The following TPI1 variants were observed in gnomAD, a reference collection of about 807,000 sequenced individuals.
TPI1 encodes the protein triosephosphate isomerase.
Under a neutral mutation model 31.0 loss-of-function variants are expected in TPI1, and 11 were observed. The ratio of observed to expected loss-of-function variants is 0.36; its 90% confidence interval spans 0.22 to 0.59. The LOEUF is 0.59. TPI1 is among the 20% of genes least tolerant of loss of function. The pLI, the probability that TPI1 is intolerant of heterozygous loss-of-function variation, is 0.79. For missense variants in TPI1, 245 were observed against 319.7 expected (o/e 0.77, Z 1.78); for synonymous variants, 121 against 122.8 (o/e 0.99, Z 0.10).
intron 5 of TPI1, 88 bp downstream of exon 5, chr12:6,869,861 C>A: frequency 1.3e-6 from 2 of 1,502,922 alleles, no homozygotes; most frequent in Non-Finnish European, 1.8e-6. Flanking sequence ...CCCCTTATTT[C>A]AAAGACACAG....
intron 1 of TPI1, 136 bp downstream of exon 1, chr12:6,867,817 C>T: frequency 1.0e-6 from 1 of 976,024 alleles, no homozygotes; most frequent in Non-Finnish European, 1.4e-6. Flanking sequence ...GGGACGAGGG[C>T]CGCTGGGGTC....
chr12:6,870,677 A>G lies in TPI1; in HGVS notation c.*294A>G, dbSNP rs1336001051. The G allele has an allele frequency of 1.6e-6, 1 of 606,476 alleles. No individual in the cohort carries two copies. The highest frequency in any genetic ancestry group is 3.1e-6 in the Non-Finnish European group (1 of 317,822). 37.6% of individuals were successfully genotyped at this position (606,476 alleles called of 1,614,324 possible). A position where few individuals can be genotyped will look rare whatever the true frequency, so the allele number is the denominator to read the frequency against. On this transcript the variant is annotated 3_prime_UTR_variant, in exon 7 of 7. Coordinates refer to ENST00000396705, the MANE Select transcript of TPI1 (RefSeq NM_000365.6). ...TTTGCTCCTGGGTTCCCTAGGCCCT[A>G]GTGAGGGCAGAAGAGAAACCATCCT...
In TPI1 at chr12:6,868,888, C is replaced by T. The variant is rs782703710; in HGVS notation, c.140C>T (p.Ala47Val). ...GAGGTGGTTTGTGCTCCCCCTACTG[C>T]CTATATCGACTTCGCCCGGCAGAAG... Reference protein sequence around the residue: ...DTEVVCAPPTAYIDFARQKLD... With the variant: ...DTEVVCAPPTVYIDFARQKLD... Residue 47 changes from alanine (A) to valine (V), a missense_variant, in exon 2 of 7, where the codon GCC (alanine) becomes GTC (valine). Ala to Val is a moderately conservative substitution (Grantham distance 64, BLOSUM62 0). Coordinates refer to ENST00000396705, the MANE Select transcript of TPI1 (RefSeq NM_000365.6). 1 of 1,613,782 alleles carries T rather than the reference C, an allele frequency of 6.2e-7. No homozygotes were observed. Among genetic ancestry groups the T allele is most frequent in the South Asian group, 1.1e-5 (1 of 91,064 alleles).
At chr12:6,869,851 C>T in intron 5 of TPI1, 78 bp downstream of exon 5, 1 of 1,519,668 alleles carries the variant, frequency 6.6e-7, no homozygotes, top group Non-Finnish European at 9.1e-7. Flanking sequence ...CATGGGGCAA[C>T]CCCTTATTTC....
At position 6,870,163 on chromosome 12, in the gene TPI1, G is replaced by A. The variant is rs782698449; in HGVS notation, c.631+27G>A. On this transcript the variant is annotated intron_variant, in intron 6 of 6. Transcript: ENST00000396705. ...TGAGTGGCTTTGGTTCCCGGCTGAG[G>A]TGGAGTGGGCTGAGGACTAGACTGA... 7 of 1,610,452 alleles carry A rather than the reference G, an allele frequency of 4.3e-6. No homozygotes were observed. The African/African-American group carries it at 6.7e-5, about 15-fold the overall frequency.
chr12:6,868,826 T>C (rs902543137), intron 1 of TPI1, 38 bp from the exon 2 acceptor site: 1 of 1,599,864 alleles, frequency 6.3e-7, no homozygotes, highest in Non-Finnish European at 8.5e-7. Context: ...GAAGGCTTTC[T>C]TTAGTCTCAT....
At chr12:6,870,237 C>G in intron 6 of TPI1, 28 bp from the exon 7 acceptor site, 1 of 1,610,078 alleles carries the variant, frequency 6.2e-7, no homozygotes, top group East Asian at 2.2e-5. Flanking sequence ...CCATTCTTGA[C>G]CAAGCCCTTG....
At chr12:6,869,458 C>CT (rs1555132280) in intron 4 of TPI1, 68 bp downstream of exon 4, 2 of 1,608,434 alleles carry the variant, frequency 1.2e-6, no homozygotes, top group Non-Finnish European at 1.7e-6. Context: ...AGGGTCAGGC[C>CT]CTGGAGCCTG....
Position 6,869,402 on chromosome 12 carries a change from G to T in TPI1, c.457+12G>T. 1 of 1,613,992 alleles carries T rather than the reference G, an allele frequency of 6.2e-7. No homozygotes were observed. The highest frequency in any genetic ancestry group is 2.2e-5 in the East Asian group (1 of 44,880). ...AAAGGTCATCGCAGGTATCTCTGGAGAAAGGGACCTTTGAGCCTATCCAGG... is the reference window on the plus strand; with the variant it reads ...AAAGGTCATCGCAGGTATCTCTGGATAAAGGGACCTTTGAGCCTATCCAGG... On this transcript the variant is annotated intron_variant, in intron 4 of 6. Transcript: ENST00000396705.
chr12:6,868,067 C>T (rs965458631), intron 1 of TPI1: 60 of 1,234,690 alleles, frequency 4.9e-5, no homozygotes, highest in Admixed American at 1.9e-4. Flanking sequence ...GCGCCCTGGC[C>T]TCCCGCGCCG....
intron 1 of TPI1, 22 bp from the exon 2 acceptor site, chr12:6,868,842 T>A (rs1555132014): frequency 2.5e-6 from 4 of 1,608,966 alleles, no homozygotes; most frequent in Non-Finnish European, 3.4e-6. Flanking sequence ...CTCATCCCCC[T>A]GTGGTACCAT....
At chr12:6,868,212 C>T (rs939833133) in intron 1 of TPI1, 16 of 1,287,756 alleles carry the variant, frequency 1.2e-5, no homozygotes, top group African/African-American at 4.6e-5. Context: ...CCGCCTTCCA[C>T]GGAAGGGACC....
Position 6,868,127 on chromosome 12 carries a change from G to C in TPI1, c.115+446G>C, listed in dbSNP as rs1207531869. 2.1e-5 allele frequency: 27 copies of C among 1,271,416 alleles called. No individual in the cohort carries two copies. The African/African-American group carries it at 4.0e-4, about 19-fold the overall frequency. 78.8% of individuals were successfully genotyped at this position (1,271,416 alleles called of 1,614,324 possible). A position where few individuals can be genotyped will look rare whatever the true frequency, so the allele number is the denominator to read the frequency against. On this transcript the variant is annotated intron_variant, in intron 1 of 6. Transcript: ENST00000396705. ...CTCCTCCCCTTCCTCGCCGGCGTCC[G>C]CGTCCCCGCGCCGAGCTGCTCGGGC...
At position 6,869,677 on chromosome 12, in the gene TPI1, C is replaced by G; in HGVS notation, c.458-11C>G. The G allele has an allele frequency of 1.2e-6, 2 of 1,614,144 alleles. No homozygotes were observed. The highest frequency in any genetic ancestry group is 1.7e-6 in the Non-Finnish European group (2 of 1,179,982). On this transcript the variant is annotated splice_polypyrimidine_tract_variant and intron_variant, in intron 4 of 6. Coordinates refer to ENST00000396705, the MANE Select transcript of TPI1 (RefSeq NM_000365.6). ...TTCACCCTTCCCTCCATCTGTATCT[C>G]TGCCCTGCAGATAACGTGAAGGACT...
chr12:6,868,244 A>T, intron 1 of TPI1: 1 of 1,287,660 alleles, frequency 7.8e-7, no homozygotes, highest in Non-Finnish European at 1.0e-6. Context: ...AAACAGGCTG[A>T]GCGATTTGGG....
At chr12:6,868,203 C>T in intron 1 of TPI1, 1 of 1,288,048 alleles carries the variant, frequency 7.8e-7, no homozygotes, top group Non-Finnish European at 1.0e-6. Flanking sequence ...GAACGACTCC[C>T]GCCTTCCACG....
chr12:6,868,036 C>G (rs1277068167), intron 1 of TPI1: 1 of 1,221,256 alleles, frequency 8.2e-7, no homozygotes, highest in Admixed American at 3.6e-5. Flanking sequence ...GAGGCTGGGC[C>G]GCGTGGGCTT....
intron 4 of TPI1, 147 bp from the exon 5 acceptor site, chr12:6,869,541 C>T (rs1486413893): frequency 7.5e-6 from 11 of 1,473,478 alleles, no homozygotes; most frequent in Non-Finnish European, 1.0e-5. Context: ...GGGCCTATGA[C>T]TTCTCCAGCC....
chr12:6,870,132 T>A lies in TPI1; in HGVS notation c.627T>A (p.Tyr209Ter), dbSNP rs1944554879. 6.2e-7 allele frequency: 1 copy of A among 1,613,930 alleles called. No homozygotes were observed. Reference protein sequence around the residue: ...DAVAQSTRIIYGGSVTGATCK... With the variant: ...DAVAQSTRII ...TGGCTCAGAGCACCCGTATCATTTA[T>A]GGAGGTGAGTGGCTTTGGTTCCCGG... is the stretch of plus-strand genomic sequence containing the variant. Residue 209 changes from tyrosine to a stop codon, truncating the protein, a stop_gained, in exon 6 of 7, where the codon TAT (tyrosine) becomes TAA (stop). Transcript: ENST00000396705. LOFTEE classifies it high-confidence loss of function.
Sources: gnomAD v4.1 joint callset for allele counts on GRCh38, gnomAD v4.1.1 for gene constraint, MANE v1.5 for transcripts, NCBI Gene and HGNC (gene_info 2026-07-23, HGNC 2026-07-21) for gene names.